Variants in KCNB2 observed in about 807,000 individuals in gnomAD.
KCNB2 encodes delayed rectifier potassium channel protein.
KCNB2 carries 15 observed loss-of-function variants against 61.5 expected under a neutral mutation model. The observed-to-expected ratio is 0.24, with a 90% CI of 0.16 to 0.38. KCNB2 has a LOEUF of 0.38. Ranked by LOEUF, KCNB2 falls within the 10% of genes least tolerant of loss-of-function variation. KCNB2 has a pLI of 1.00. For synonymous variants in KCNB2, 457 were observed against 446.0 expected (o/e 1.02, Z -0.31); for missense variants, 828 against 1,125.2 (o/e 0.74, Z 3.78).
intron 2 of KCNB2, among the ~76,000 whole-genome samples, chr8:72,892,855 T>G (rs1272478593): frequency 6.6e-6 from 1 of 152,204 alleles, no homozygotes; most frequent in African/African-American, 2.4e-5. Context: ...AATTAAATTA[T>G]TGTTCAAATA....
intron 2 of KCNB2, among the ~76,000 whole-genome samples, chr8:72,928,565 G>A (rs777719850): frequency 1.6e-4 from 25 of 151,746 alleles, no homozygotes; most frequent in Non-Finnish European, 2.6e-4. Context: ...AACAAATTAT[G>A]TTTGCAAATA....
chr8:72,659,402 T>C (rs1180550785), intron 2 of KCNB2, among the ~76,000 whole-genome samples: 1 of 152,178 alleles, frequency 6.6e-6, no homozygotes, highest in East Asian at 1.9e-4. Flanking sequence ...TTTCTTGAGG[T>C]GATGGATGTG....
chr8:72,749,567 C>T (rs756605514), intron 2 of KCNB2, among the ~76,000 whole-genome samples: 6 of 151,594 alleles, frequency 4.0e-5, no homozygotes, highest in Non-Finnish European at 7.4e-5. Flanking sequence ...TATTTTTAAA[C>T]ATAAATATAA....
intron 2 of KCNB2, among the ~76,000 whole-genome samples, chr8:72,799,938 C>T (rs11779781): frequency 0.17 from 25,463 of 151,960 alleles, 2,444 homozygotes; most frequent in South Asian, 0.32. Context: ...GGCAAGGCTG[C>T]GGTCCATTTC....
In KCNB2 at chr8:72,656,531, TTGTACA is replaced by T. The variant is rs569571948; in HGVS notation, c.579+88223_579+88228del. On this transcript the variant is annotated intron_variant, in intron 2 of 2. Coordinates refer to ENST00000523207, the MANE Select transcript of KCNB2 (RefSeq NM_004770.3). Reference sequence around the variant, plus strand: ...TCATTGTAATGTTAACTCATCCAAATTGTACATGTATAATCTCTCTCAATATCTGGA... The same window carrying T: ...TCATTGTAATGTTAACTCATCCAAATTGTATAATCTCTCTCAATATCTGGA... 3.9e-5 allele frequency among the ~76,000 whole-genome samples: 6 copies of T among 152,272 alleles called. No homozygotes were observed. The South Asian group carries it at 1.2e-3, about 32-fold the overall frequency.
At chr8:72,592,802 C>A (rs1364021105) in intron 2 of KCNB2, among the ~76,000 whole-genome samples, 2 of 152,102 alleles carry the variant, frequency 1.3e-5, no homozygotes, top group Admixed American at 1.3e-4. Flanking sequence ...CTTTTGTGCA[C>A]TAAGCTTCTG....
At chr8:72,586,893 G>A (rs1169222366) in intron 2 of KCNB2, among the ~76,000 whole-genome samples, 1 of 152,114 alleles carries the variant, frequency 6.6e-6, no homozygotes, top group African/African-American at 2.4e-5. Context: ...CAATTTCCTA[G>A]CCATCAGGAA....
intron 2 of KCNB2, among the ~76,000 whole-genome samples, chr8:72,640,681 T>G (rs141023487): frequency 0.015 from 2,245 of 152,158 alleles, 45 homozygotes; most frequent in African/African-American, 0.052. Flanking sequence ...AAGTGACTCA[T>G]GATAAAAAAA....
chr8:72,603,950 T>C (rs1034471049), intron 2 of KCNB2, among the ~76,000 whole-genome samples: 2 of 152,094 alleles, frequency 1.3e-5, no homozygotes, highest in African/African-American at 4.8e-5. Context: ...GAGAAAGATA[T>C]GGTGTTGATT....
At chr8:72,616,732 C>T (rs1161950988) in intron 2 of KCNB2, among the ~76,000 whole-genome samples, 1 of 152,184 alleles carries the variant, frequency 6.6e-6, no homozygotes, top group East Asian at 1.9e-4. Context: ...AGAGCAAGGA[C>T]TTTTGCCTAT....
chr8:72,829,180 C>A (rs190784140), intron 2 of KCNB2, among the ~76,000 whole-genome samples: 65 of 152,236 alleles, frequency 4.3e-4, no homozygotes, highest in African/African-American at 1.2e-3. Flanking sequence ...TAAAACAATT[C>A]CCCAAAATTT....
intron 2 of KCNB2, among the ~76,000 whole-genome samples, chr8:72,730,967 C>G (rs1321071053): frequency 6.6e-6 from 1 of 152,174 alleles, no homozygotes; most frequent in African/African-American, 2.4e-5. Context: ...GCTTTCCTGA[C>G]CAGGAAGCCA....
intron 2 of KCNB2, among the ~76,000 whole-genome samples, chr8:72,890,541 T>A (rs1348902107): frequency 1.3e-5 from 2 of 152,210 alleles, no homozygotes; most frequent in African/African-American, 2.4e-5. Context: ...CCCATCACAC[T>A]GCCTCACCTG....
intron 2 of KCNB2, among the ~76,000 whole-genome samples, chr8:72,691,001 G>C (rs1188336260): frequency 6.6e-6 from 1 of 152,176 alleles, no homozygotes; most frequent in Non-Finnish European, 1.5e-5. Context: ...CCCTGAACTT[G>C]CTGCATCAAT....
chr8:72,774,912 C>G (rs972732439), intron 2 of KCNB2, among the ~76,000 whole-genome samples: 3 of 152,084 alleles, frequency 2.0e-5, no homozygotes, highest in Non-Finnish European at 4.4e-5. Flanking sequence ...CAGAGACAGA[C>G]AGCAACCCAA....
intron 2 of KCNB2, among the ~76,000 whole-genome samples, chr8:72,705,313 C>T (rs1210450813): frequency 6.6e-6 from 1 of 152,172 alleles, no homozygotes; most frequent in East Asian, 1.9e-4. Context: ...ATAAAGTTGT[C>T]TAAGCCCACC....
intron 2 of KCNB2, among the ~76,000 whole-genome samples, chr8:72,922,213 T>C (rs1351458579): frequency 6.6e-6 from 1 of 152,244 alleles, no homozygotes; most frequent in Admixed American, 6.5e-5. Flanking sequence ...ATCTGCCCTC[T>C]GTGGGCCTCT....
intron 2 of KCNB2, among the ~76,000 whole-genome samples, chr8:72,820,809 T>G (rs1809485180): frequency 6.6e-6 from 1 of 152,208 alleles, no homozygotes; most frequent in African/African-American, 2.4e-5. Flanking sequence ...AACTTTCATT[T>G]TGATTCTGAT....
At chr8:72,582,868 T>C (rs1806928229) in intron 2 of KCNB2, among the ~76,000 whole-genome samples, 1 of 152,112 alleles carries the variant, frequency 6.6e-6, no homozygotes, top group Admixed American at 6.5e-5. Flanking sequence ...AAGCCTGCCA[T>C]GTAGGCTTCC....
Sources: gnomAD v4.1 joint callset for allele counts (sites outside exome capture counted in the v4.1 genomes callset) on GRCh38, gnomAD v4.1.1 for gene constraint, MANE v1.5 for transcripts, NCBI Gene and HGNC (gene_info 2026-07-23, HGNC 2026-07-21) for gene names.